Variants in ORMDL1 observed in about 807,000 individuals in gnomAD.
ORMDL1 encodes the protein ORM1-like protein 1.
ORMDL1 carries 10 observed loss-of-function variants against 13.0 expected under a neutral mutation model. The observed-to-expected ratio is 0.77, with a 90% CI of 0.47 to 1.30. The LOEUF is 1.30. Ranked by LOEUF, ORMDL1 falls within the 50% of genes most tolerant of loss-of-function variation. ORMDL1 has a pLI of 0.00. For synonymous variants in ORMDL1, 61 were observed against 63.9 expected, an observed-to-expected ratio of 0.95 and a Z score of 0.22; for missense variants, 171 against 186.7, an observed-to-expected ratio of 0.92 and a Z score of 0.49.
At chr2:189,781,551 A>C (rs2047832294) in intron 3 of ORMDL1, among the ~76,000 whole-genome samples, 1 of 152,156 alleles carries the variant, frequency 6.6e-6, no homozygotes, top group South Asian at 2.1e-4. Flanking sequence ...CCTGAATCAC[A>C]TAAGATGATT....
At chr2:189,772,019 CTA>C (rs1336562268) in intron 4 of ORMDL1, 117 bp from the exon 5 acceptor site, 1 of 781,052 alleles carries the variant, frequency 1.3e-6, no homozygotes, top group Non-Finnish European at 1.9e-6. Context: ...AAAAATGAAA[CTA>C]TTTTTGAGCA....
In ORMDL1 at chr2:189,770,273, T is replaced by G. The variant is rs1425987072; in HGVS notation, c.*1494A>C. Reference sequence around the variant, plus strand: ...GAATTCAGTTGCTTAAAAATAAACTTGAAAAATGTCATTTTAATTTTGATG... The same window carrying G: ...GAATTCAGTTGCTTAAAAATAAACTGGAAAAATGTCATTTTAATTTTGATG... On this transcript the variant is annotated 3_prime_UTR_variant, in exon 5 of 5. Coordinates refer to ENST00000392349, the MANE Select transcript of ORMDL1 (RefSeq NM_016467.5). 6.6e-6 allele frequency: 1 copy of G among 152,184 alleles called. No homozygotes were observed. The highest frequency in any genetic ancestry group is 1.5e-5 in the Non-Finnish European group (1 of 68,010). The allele number at this position is 152,184 out of a possible 1,614,324, so 9.4% of individuals were successfully genotyped here. A position where few individuals can be genotyped will look rare whatever the true frequency, so the allele number is the denominator to read the frequency against.
intron 3 of ORMDL1, 137 bp from the exon 4 acceptor site, chr2:189,775,853 G>A (rs2047684884): frequency 1.4e-6 from 1 of 721,200 alleles, no homozygotes; most frequent in Non-Finnish European, 2.1e-6. Flanking sequence ...TCATATAATA[G>A]TGAAAGGCTG....
At chr2:189,766,732 AAAAAAC>A (rs765068314), downstream of ORMDL1, among the ~76,000 whole-genome samples, 1,045 of 142,894 alleles carry the variant, frequency 7.3e-3, 6 homozygotes, top group Non-Finnish European at 0.012. Flanking sequence ...CTCAAAAAAA[AAAAAAC>A]AAAACAAAAA....
At chr2:189,779,802 G>A (rs181198413) in intron 3 of ORMDL1, among the ~76,000 whole-genome samples, 1 of 152,216 alleles carries the variant, frequency 6.6e-6, no homozygotes, top group Non-Finnish European at 1.5e-5. Context: ...TGAGAGTAAA[G>A]CAGTAGAAGA....
downstream of ORMDL1, among the ~76,000 whole-genome samples, chr2:189,766,526 G>A (rs968476923): frequency 1.3e-5 from 2 of 152,080 alleles, no homozygotes; most frequent in African/African-American, 2.4e-5. Context: ...TCAGGAGTTC[G>A]AGACCAGCCT....
chr2:189,775,563 AC>A lies in ORMDL1; in HGVS notation c.326+1del. ...TCATACCTAAAAATTTCTGCCACTT[AC>A]AGAATTATTGGAGAAATTGTGAAAA... On this transcript the variant is annotated splice_donor_variant, in intron 4 of 4. Transcript: ENST00000392349. LOFTEE classifies it high-confidence loss of function. 6.3e-7 allele frequency: 1 copy of A among 1,595,328 alleles called. No homozygotes were observed. The highest frequency in any genetic ancestry group is 8.5e-7 in the Non-Finnish European group (1 of 1,171,772).
Position 189,771,838 on chromosome 2 carries a change from G to A in ORMDL1, c.391C>T (p.Leu131Phe). 6.2e-7 allele frequency: 1 copy of A among 1,610,718 alleles called. No homozygotes were observed. The highest frequency in any genetic ancestry group is 8.5e-7 in the Non-Finnish European group (1 of 1,177,450). Residue 131 changes from leucine to phenylalanine, a missense_variant, in exon 5 of 5, where the codon CTC becomes TTC. Leu to Phe is a conservative substitution (Grantham distance 22). Transcript: ENST00000392349. ...PTHFILNTASLLSVLIPKMPQ... is the reference protein window; with the variant it reads ...PTHFILNTASFLSVLIPKMPQ... ...ATTTTGGGAATTAGTACACTCAGGA[G>A]AGAAGCTGTGTTTAGGATGAAGTGA...
In ORMDL1 at chr2:189,771,657, T is replaced by C; in HGVS notation, c.*110A>G. The stretch of plus-strand genomic sequence containing the variant: ...GAAGGACCAGCCATTGGCCCTCCAA[T>C]GTAAATACTTCTCATTTCACATTAT... On this transcript the variant is annotated 3_prime_UTR_variant, in exon 5 of 5. Transcript: ENST00000392349. 2.0e-6 allele frequency: 2 copies of C among 1,003,074 alleles called. No homozygotes were observed. The highest frequency in any genetic ancestry group is 2.8e-6 in the Non-Finnish European group (2 of 713,796). 62.1% of individuals were successfully genotyped at this position (1,003,074 alleles called of 1,614,324 possible).
intron 3 of ORMDL1, among the ~76,000 whole-genome samples, chr2:189,780,820 A>G (rs187081040): frequency 3.3e-4 from 51 of 152,366 alleles, no homozygotes; most frequent in Admixed American, 3.2e-3. Flanking sequence ...ATCACATAAA[A>G]TGGACTAAAT....
chr2:189,768,945 T>C (rs531577700), downstream of ORMDL1, among the ~76,000 whole-genome samples: 4 of 152,328 alleles, frequency 2.6e-5, no homozygotes, highest in East Asian at 7.7e-4. Flanking sequence ...TGAAGAGTTA[T>C]GTAAAGATTA....
At chr2:189,769,288 G>C (rs2047532657), downstream of ORMDL1, among the ~76,000 whole-genome samples, 1 of 152,056 alleles carries the variant, frequency 6.6e-6, no homozygotes, top group African/African-American at 2.4e-5. Context: ...TCAGGAGGCT[G>C]AGGCAGGAGA....
At chr2:189,776,024 C>A (rs2047687990) in intron 3 of ORMDL1, among the ~76,000 whole-genome samples, 1 of 152,090 alleles carries the variant, frequency 6.6e-6, no homozygotes, top group African/African-American at 2.4e-5. Context: ...GATTTTCTTA[C>A]ACTTTTCCTA....
chr2:189,771,961 TA>T, intron 4 of ORMDL1, 59 bp from the exon 5 acceptor site: 1 of 1,269,732 alleles, frequency 7.9e-7, no homozygotes, highest in Non-Finnish European at 1.0e-6. Context: ...ACTTGGAACT[TA>T]AACAATTTTA....
downstream of ORMDL1, among the ~76,000 whole-genome samples, chr2:189,768,185 C>T (rs1225110): frequency 0.98 from 149,512 of 152,340 alleles, 73,429 homozygotes; most frequent in South Asian, 1. Context: ...ACTTACCTTC[C>T]CCTTCCCTGC....
intron 4 of ORMDL1, chr2:189,774,051 A>C (rs2047640540): frequency 6.6e-6 from 1 of 152,200 alleles, no homozygotes; most frequent in African/African-American, 2.4e-5. Flanking sequence ...TGAGCTTTTG[A>C]AGAAAACGGC....
At chr2:189,783,689 CTAT>C (rs2047969481) in intron 1 of ORMDL1, 1 of 152,234 alleles carries the variant, frequency 6.6e-6, no homozygotes. Context: ...ATACATTAAA[CTAT>C]TATGTCATAC....
At chr2:189,775,839 G>T in intron 3 of ORMDL1, 123 bp from the exon 4 acceptor site, 2 of 880,372 alleles carry the variant, frequency 2.3e-6, no homozygotes, top group Non-Finnish European at 3.2e-6. Flanking sequence ...TTCGTTTTAA[G>T]CTTTCATATA....
At chr2:189,768,045 A>G (rs1385309251), downstream of ORMDL1, among the ~76,000 whole-genome samples, 1 of 152,224 alleles carries the variant, frequency 6.6e-6, no homozygotes, top group Non-Finnish European at 1.5e-5. Context: ...TAAACCCAAC[A>G]TAACAAACTA....
Sources: gnomAD v4.1 joint callset for allele counts (sites outside exome capture counted in the v4.1 genomes callset) on GRCh38, gnomAD v4.1.1 for gene constraint, MANE v1.5 for transcripts, NCBI Gene and HGNC (gene_info 2026-07-23, HGNC 2026-07-21) for gene names.